The following PTPRD variants were observed in gnomAD, a reference collection of about 807,000 sequenced individuals.
The protein encoded by PTPRD is protein tyrosine phosphatase receptor type D.
A neutral mutation model predicts 214.5 loss-of-function variants in PTPRD; 34 were observed. The observed-to-expected ratio is 0.16, with a 90% CI of 0.12 to 0.21. PTPRD has a LOEUF of 0.21. Ranked by LOEUF, PTPRD falls within the 10% of genes least tolerant of loss-of-function variation. PTPRD has a pLI of 1.00. For missense variants in PTPRD, 2,545 were observed against 2,398.7 expected, an observed-to-expected ratio of 1.06 and a Z score of -1.27; for synonymous variants, 1,128 against 845.7, an observed-to-expected ratio of 1.33 and a Z score of -5.79.
At chr9:9,823,384 C>G (rs190919196) in intron 5 of PTPRD, among the ~76,000 whole-genome samples, 2 of 151,994 alleles carry the variant, frequency 1.3e-5, no homozygotes, top group African/African-American at 4.8e-5. Context: ...CTCGTGAGAA[C>G]TTACTATTGC....
chr9:8,379,428 C>T (rs2135119649), intron 37 of PTPRD, among the ~76,000 whole-genome samples: 1 of 152,204 alleles, frequency 6.6e-6, no homozygotes, highest in African/African-American at 2.4e-5. Flanking sequence ...CTTAGAGTTA[C>T]TGACAAATAT....
intron 8 of PTPRD, among the ~76,000 whole-genome samples, chr9:9,516,301 A>C (rs2096836544): frequency 6.6e-6 from 1 of 152,010 alleles, no homozygotes; most frequent in African/African-American, 2.4e-5. Flanking sequence ...GGGAGCAGTG[A>C]CACCATTCAG....
chr9:10,220,750 C>G (rs539242311), intron 3 of PTPRD, among the ~76,000 whole-genome samples: 4 of 151,530 alleles, frequency 2.6e-5, no homozygotes, highest in Non-Finnish European at 5.9e-5. Flanking sequence ...TTCATAATAT[C>G]TATTATATGT....
At chr9:8,694,289 A>T (rs904075557) in intron 12 of PTPRD, among the ~76,000 whole-genome samples, 2 of 152,154 alleles carry the variant, frequency 1.3e-5, no homozygotes, top group Non-Finnish European at 2.9e-5. Flanking sequence ...AGAAATTTTA[A>T]AAGTTGTAAT....
intron 9 of PTPRD, among the ~76,000 whole-genome samples, chr9:9,245,278 CA>C (rs1425472444): frequency 6.6e-6 from 1 of 151,970 alleles, no homozygotes. Flanking sequence ...CCAGCCATGC[CA>C]AAGGAATATA....
chr9:9,474,664 G>A (rs1310093331), intron 8 of PTPRD, among the ~76,000 whole-genome samples: 1 of 136,946 alleles, frequency 7.3e-6, no homozygotes, highest in Non-Finnish European at 1.6e-5. Context: ...TGCTTCATTA[G>A]TTAAATCTAT....
intron 6 of PTPRD, among the ~76,000 whole-genome samples, chr9:9,743,358 G>T (rs2098423755): frequency 6.6e-6 from 1 of 152,034 alleles, no homozygotes; most frequent in Non-Finnish European, 1.5e-5. Flanking sequence ...TGGATAATTT[G>T]CCTAACCTTC....
intron 14 of PTPRD, among the ~76,000 whole-genome samples, chr9:8,559,191 T>C (rs928653588): frequency 6.6e-6 from 1 of 152,200 alleles, no homozygotes; most frequent in Non-Finnish European, 1.5e-5. Context: ...TAGCATTCAA[T>C]AGTACAGTAG....
At chr9:9,937,899 T>C (rs1374451934) in intron 5 of PTPRD, among the ~76,000 whole-genome samples, 2 of 152,232 alleles carry the variant, frequency 1.3e-5, no homozygotes, top group Non-Finnish European at 2.9e-5. Context: ...CTACATGATG[T>C]GATTAATATA....
intron 12 of PTPRD, among the ~76,000 whole-genome samples, chr9:8,690,366 A>C (rs1302414594): frequency 6.6e-6 from 1 of 151,740 alleles, no homozygotes; most frequent in Non-Finnish European, 1.5e-5. Context: ...TCTCTACTAA[A>C]AATATAAAAA....
chr9:8,396,984 T>G (rs961798336), intron 36 of PTPRD, among the ~76,000 whole-genome samples: 4 of 152,196 alleles, frequency 2.6e-5, no homozygotes, highest in African/African-American at 9.6e-5. Context: ...TTCATCACAG[T>G]TGCAAACGAT....
intron 7 of PTPRD, among the ~76,000 whole-genome samples, chr9:9,589,594 T>C (rs1398656518): frequency 6.6e-6 from 1 of 152,052 alleles, no homozygotes; most frequent in African/African-American, 2.4e-5. Context: ...CAGCATTAGA[T>C]AACTTTTGCA....
chr9:10,233,220 A>G (rs1445472896), intron 3 of PTPRD, among the ~76,000 whole-genome samples: 1 of 152,032 alleles, frequency 6.6e-6, no homozygotes, highest in Non-Finnish European at 1.5e-5. Context: ...TAGAAATGAT[A>G]GTGACTAAGG....
intron 3 of PTPRD, among the ~76,000 whole-genome samples, chr9:10,050,899 A>G (rs1178268670): frequency 1.3e-5 from 2 of 152,158 alleles, no homozygotes; most frequent in Non-Finnish European, 1.5e-5. Flanking sequence ...ATAAAATCAA[A>G]TGTTGATTCA....
intron 8 of PTPRD, among the ~76,000 whole-genome samples, chr9:9,523,705 C>G (rs1299020289): frequency 6.6e-6 from 1 of 152,154 alleles, no homozygotes; most frequent in Non-Finnish European, 1.5e-5. Flanking sequence ...CCGCTCCTTC[C>G]TTAAAACTAT....
chr9:8,378,516 A>T (rs1236576183), intron 37 of PTPRD, among the ~76,000 whole-genome samples: 1 of 152,118 alleles, frequency 6.6e-6, no homozygotes, highest in African/African-American at 2.4e-5. Context: ...GGACAAGAGG[A>T]ACTCTGGAGG....
chr9:9,898,532 G>T (rs892544986), intron 5 of PTPRD, among the ~76,000 whole-genome samples: 6 of 152,050 alleles, frequency 3.9e-5, no homozygotes, highest in African/African-American at 1.2e-4. Flanking sequence ...TGAAGCTCTA[G>T]ATTACGCTCT....
chr9:9,322,384 T>C (rs116956455), intron 9 of PTPRD, among the ~76,000 whole-genome samples: 1,860 of 152,296 alleles, frequency 0.012, 12 homozygotes, highest in Middle Eastern at 0.054. Flanking sequence ...ATATTCATTA[T>C]TGTACAAAAA....
chr9:9,792,289 A>G (rs2098973592), intron 5 of PTPRD, among the ~76,000 whole-genome samples: 1 of 152,126 alleles, frequency 6.6e-6, no homozygotes, highest in South Asian at 2.1e-4. Flanking sequence ...ACCACTTGCC[A>G]ATTTAACTGT....
Sources: allele counts gnomAD v4.1 joint callset (sites outside exome capture counted in the v4.1 genomes callset), GRCh38; gene constraint gnomAD v4.1.1; transcripts MANE v1.5; gene names NCBI Gene and HGNC (gene_info 2026-07-23, HGNC 2026-07-21).